Variants in FAN1 observed in about 807,000 individuals in gnomAD.
FAN1 encodes FANCD2 and FANCI associated nuclease 1.
FAN1 carries 91 observed loss-of-function variants against 104.9 expected under a neutral mutation model. That is an observed-to-expected ratio of 0.87 (90% CI 0.73 to 1.03). FAN1 has a LOEUF of 1.03. Ranked by LOEUF, FAN1 falls within the 50% of genes least tolerant of loss-of-function variation. The pLI, the probability that FAN1 is intolerant of heterozygous loss-of-function variation, is 0.00. For synonymous variants in FAN1, 478 were observed against 457.6 expected (o/e 1.04, Z -0.57); for missense variants, 1,263 against 1,239.9 (o/e 1.02, Z -0.28).
rs1173866518 is a variant in FAN1, at chr15:30,943,034, C to T, written c.*1472C>T. 1.3e-6 allele frequency: 2 copies of T among 1,547,154 alleles called. No individual in the cohort carries two copies. The highest frequency in any genetic ancestry group is 2.0e-5 in the Admixed American group (1 of 49,572). ...AAACAGAGGGGAATTTTAAGCCCTTCTCATCACCCAATTGGATGTTTTTGC... is the reference window on the plus strand; with the variant it reads ...AAACAGAGGGGAATTTTAAGCCCTTTTCATCACCCAATTGGATGTTTTTGC... On this transcript the variant is annotated 3_prime_UTR_variant, in exon 15 of 15. Coordinates refer to ENST00000362065, the MANE Select transcript of FAN1 (RefSeq NM_014967.5).
intron 10 of FAN1, chr15:30,926,790 T>C (rs896546892): frequency 7.1e-6 from 7 of 985,390 alleles, no homozygotes; most frequent in Non-Finnish European, 8.4e-6. Flanking sequence ...ATGCTTTCAG[T>C]TGAGCCATGA....
At chr15:30,910,960 T>C (rs1019895010) in intron 4 of FAN1, 145 bp downstream of exon 4, 1 of 1,356,406 alleles carries the variant, frequency 7.4e-7, no homozygotes, top group African/African-American at 1.5e-5. Flanking sequence ...TTAATTGCAA[T>C]AGCCTGGATT....
intron 10 of FAN1, 66 bp from the exon 11 acceptor site, chr15:30,928,487 G>C: frequency 6.3e-7 from 1 of 1,576,328 alleles, no homozygotes. Context: ...TGTTTTGGAA[G>C]AAACAGATAA....
At chr15:30,927,894 T>C in intron 10 of FAN1, 1 of 985,740 alleles carries the variant, frequency 1.0e-6, no homozygotes, top group Non-Finnish European at 1.2e-6. Flanking sequence ...AGCACCTGAC[T>C]TCTGTCTCTC....
At chr15:30,926,783 C>T (rs1035227215) in intron 10 of FAN1, 2 of 985,398 alleles carry the variant, frequency 2.0e-6, no homozygotes, top group Non-Finnish European at 1.2e-6. Flanking sequence ...CGCTGAAATG[C>T]TTTCAGTTGA....
chr15:30,914,880 A>G (rs932144399), intron 5 of FAN1, among the ~76,000 whole-genome samples: 1 of 152,230 alleles, frequency 6.6e-6, no homozygotes, highest in African/African-American at 2.4e-5. Context: ...TTTAGTGAAA[A>G]TTTGGTTTGT....
At position 30,925,181 on chromosome 15, in the gene FAN1, C is replaced by T. The variant is rs374131595; in HGVS notation, c.2227C>T (p.Arg743Cys). 34 of 1,613,886 alleles carry T rather than the reference C, an allele frequency of 2.1e-5. No homozygotes were observed. In the South Asian group the frequency reaches 2.7e-4, roughly 13 times the overall value. Residue 743 changes from arginine (R) to cysteine (C), a missense_variant, in exon 9 of 15, where the codon CGC becomes TGC. Around this residue, in one of 2 missense-constraint regions of FAN1, gnomAD observed 581 missense variants for 668.8 expected, o/e 0.87. Transcript: ENST00000362065. ...LADPEVRTGH[R>C]LSLYQRAVRL... ...GGATCCGGAAGTCAGAACGGGACAC[C>T]GCCTTTCACTGTATCAGCGAGCCGT...
In FAN1 at chr15:30,931,589, C is replaced by T. The variant is rs149590678; in HGVS notation, c.2916+918C>T. 3.9e-3 allele frequency among the ~76,000 whole-genome samples: 600 copies of T among 152,232 alleles called. 5 individuals are homozygous for T. The highest frequency in any genetic ancestry group is 0.012 in the African/African-American group (517 of 41,536). On this transcript the variant is annotated intron_variant, in intron 13 of 14. Transcript: ENST00000362065. ...CATTCAGTTTTATGATCATTTGAGACGCCATTTGTATACAGTGTGGGGCAT... is the reference window on the plus strand; with the variant it reads ...CATTCAGTTTTATGATCATTTGAGATGCCATTTGTATACAGTGTGGGGCAT...
At chr15:30,914,747 T>C (rs992072807) in intron 5 of FAN1, among the ~76,000 whole-genome samples, 14 of 152,240 alleles carry the variant, frequency 9.2e-5, no homozygotes, top group Admixed American at 7.9e-4. Context: ...ATGTGAATAT[T>C]TTCTTATTAG....
intron 13 of FAN1, 142 bp downstream of exon 13, chr15:30,930,813 G>A (rs2140955663): frequency 9.8e-7 from 1 of 1,022,762 alleles, no homozygotes; most frequent in South Asian, 1.4e-5. Context: ...GGTTCCTGTG[G>A]GCCTGTCCCC....
In FAN1 at chr15:30,930,635, C is replaced by T. The variant is rs1362824392; in HGVS notation, c.2880C>T (p.Asp960=). The T allele has an allele frequency of 6.2e-7, 1 of 1,612,904 alleles. No homozygotes were observed. Among genetic ancestry groups the T allele is most frequent in the Non-Finnish European group, 8.5e-7 (1 of 1,179,596 alleles). Residue 960 remains aspartate, a synonymous_variant, in exon 13 of 15, where the codon GAC becomes GAT. Transcript: ENST00000362065. ...DFRHCRGGLP[D]LVVWNSQSRH... ...GACACTGTCGAGGGGGCCTCCCCGA[C>T]CTGGTGGTGTGGAACTCCCAGAGCC... is the stretch of plus-strand genomic sequence containing the variant.
At chr15:30,923,255 T>C (rs2062377996) in intron 8 of FAN1, among the ~76,000 whole-genome samples, 1 of 151,964 alleles carries the variant, frequency 6.6e-6, no homozygotes, top group Non-Finnish European at 1.5e-5. Flanking sequence ...TGGAGGAGGG[T>C]GTGGGGCTTC....
At position 30,942,913 on chromosome 15, in the gene FAN1, C is replaced by T. The variant is rs747895020; in HGVS notation, c.*1351C>T. On this transcript the variant is annotated 3_prime_UTR_variant, in exon 15 of 15. Transcript: ENST00000362065. ...ACCTTTGTCCGTTTAAAAGACTTCACGGAGCCATTCTGTATACAAGGTGTG... is the reference window on the plus strand; with the variant it reads ...ACCTTTGTCCGTTTAAAAGACTTCATGGAGCCATTCTGTATACAAGGTGTG... The T allele has an allele frequency of 1.3e-5, 21 of 1,566,934 alleles. No individual in the cohort carries two copies. The highest frequency in any genetic ancestry group is 3.8e-5 in the Admixed American group (2 of 53,012).
Position 30,905,173 on chromosome 15 carries a change from A to C in FAN1, c.510A>C (p.Ile170=). Residue 170 remains isoleucine, a synonymous_variant, in exon 2 of 15, where the codon ATA becomes ATC. Coordinates refer to ENST00000362065, the MANE Select transcript of FAN1 (RefSeq NM_014967.5). ...AATACGTAAAGGCTAAAAAATCAAT[A>C]GATAAGGATGAAGAATTTGCCGGTT... ...SRKYVKAKKS[I]DKDEEFAGSS... is the part of the protein sequence containing the mutation. 6.2e-7 allele frequency: 1 copy of C among 1,613,778 alleles called. No individual in the cohort carries two copies. The highest frequency in any genetic ancestry group is 8.5e-7 in the Non-Finnish European group (1 of 1,179,948).
chr15:30,928,775 C>A, intron 11 of FAN1, 119 bp downstream of exon 11: 1 of 1,534,736 alleles, frequency 6.5e-7, no homozygotes, highest in South Asian at 1.3e-5. Flanking sequence ...TCCTTTGGGT[C>A]ATCCACAGGT....
At chr15:30,923,449 T>C (rs1036784187) in intron 8 of FAN1, among the ~76,000 whole-genome samples, 2 of 152,206 alleles carry the variant, frequency 1.3e-5, no homozygotes, top group Non-Finnish European at 2.9e-5. Context: ...CCACTGAGCT[T>C]ATTTTTGAGA....
intron 13 of FAN1, among the ~76,000 whole-genome samples, chr15:30,932,903 A>G (rs1383395715): frequency 7.3e-6 from 1 of 137,380 alleles, no homozygotes; most frequent in Non-Finnish European, 1.6e-5. Context: ...TTGTATTTTT[A>G]GTAGAGATGA....
intron 5 of FAN1, among the ~76,000 whole-genome samples, chr15:30,914,714 G>A (rs2062167058): frequency 6.6e-6 from 1 of 152,138 alleles, no homozygotes; most frequent in South Asian, 2.1e-4. Flanking sequence ...TTAGGAATAT[G>A]TTGTTGGCAT....
At chr15:30,904,258 C>T (rs1201478734) in intron 1 of FAN1, among the ~76,000 whole-genome samples, 1 of 152,148 alleles carries the variant, frequency 6.6e-6, no homozygotes, top group Non-Finnish European at 1.5e-5. Flanking sequence ...GTCAAATTGT[C>T]CCTTTTTAGA....
Sources: allele counts gnomAD v4.1 joint callset (sites outside exome capture counted in the v4.1 genomes callset), GRCh38; gene constraint gnomAD v4.1.1; regional missense constraint gnomAD v4.1.1; transcripts MANE v1.5; gene names NCBI Gene and HGNC (gene_info 2026-07-23, HGNC 2026-07-21).